Variants in ACKR2 observed in about 807,000 individuals in gnomAD.
The protein encoded by ACKR2 is atypical chemokine receptor 2.
For synonymous variants in ACKR2, 207 were observed against 192.2 expected, an observed-to-expected ratio of 1.08 and a Z score of -0.64; for missense variants, 457 against 477.3, an observed-to-expected ratio of 0.96 and a Z score of 0.40.
intron 2 of ACKR2, among the ~76,000 whole-genome samples, chr3:42,857,967 C>T (rs1222394730): frequency 1.3e-5 from 2 of 152,246 alleles, no homozygotes; most frequent in Admixed American, 6.5e-5. Context: ...CAGACTGCCT[C>T]TCTAGATTCC....
At chr3:42,811,891 T>C (rs1378273747) in intron 1 of ACKR2, among the ~76,000 whole-genome samples, 1 of 152,164 alleles carries the variant, frequency 6.6e-6, no homozygotes, top group Non-Finnish European at 1.5e-5. Context: ...GTACCTTCCC[T>C]TAAACTTATT....
chr3:42,859,242 A>C (rs1466221259), intron 2 of ACKR2, among the ~76,000 whole-genome samples: 1 of 152,210 alleles, frequency 6.6e-6, no homozygotes, highest in African/African-American at 2.4e-5. Context: ...ACCAATGTTG[A>C]AATGAAGGAA....
At position 42,863,116 on chromosome 3, in the gene ACKR2, A is replaced by G. The variant is rs924208585; in HGVS notation, c.-37-1350A>G. Among the ~76,000 whole-genome samples, 32 of 152,216 alleles carry G rather than the reference A, an allele frequency of 2.1e-4. 1 individual carries two copies. Among genetic ancestry groups the G allele is most frequent in the South Asian group, 8.3e-4 (4 of 4,828 alleles). The stretch of plus-strand genomic sequence containing the variant: ...TTTTTGCAATCTATCCATCTGACAA[A>G]GGGCTAATATCCAGAATCTACAAAG... On this transcript the variant is annotated intron_variant, in intron 2 of 2. Transcript: ENST00000422265.
chr3:42,844,067 T>C (rs1334030136), intron 2 of ACKR2: 1 of 152,162 alleles, frequency 6.6e-6, no homozygotes, highest in Non-Finnish European at 1.5e-5. Context: ...ATAAAGCAGG[T>C]AGATAAGCAT....
chr3:42,858,071 G>A (rs555861657), intron 2 of ACKR2, among the ~76,000 whole-genome samples: 189 of 152,360 alleles, frequency 1.2e-3, no homozygotes, highest in African/African-American at 4.3e-3. Context: ...AGAGCACCTG[G>A]GGGAAGGGGC....
At chr3:42,827,489 T>C (rs1372002989) in intron 2 of ACKR2, among the ~76,000 whole-genome samples, 2 of 152,224 alleles carry the variant, frequency 1.3e-5, no homozygotes, top group African/African-American at 2.4e-5. Context: ...ACCTTACTTC[T>C]AGTGGTAACT....
At chr3:42,812,045 C>T (rs968227612) in intron 1 of ACKR2, among the ~76,000 whole-genome samples, 2 of 152,278 alleles carry the variant, frequency 1.3e-5, no homozygotes, top group African/African-American at 2.4e-5. Flanking sequence ...GGGGCCTGTG[C>T]AGGTCCTCCA....
chr3:42,848,260 C>A (rs1223401610), intron 2 of ACKR2, among the ~76,000 whole-genome samples: 2 of 142,984 alleles, frequency 1.4e-5, no homozygotes, highest in Admixed American at 1.5e-4. Flanking sequence ...CCTCTGTTGC[C>A]CATGCTGGAG....
intron 2 of ACKR2, among the ~76,000 whole-genome samples, chr3:42,847,595 G>T (rs1485870777): frequency 6.6e-6 from 1 of 152,134 alleles, no homozygotes; most frequent in African/African-American, 2.4e-5. Context: ...GGAAGACAGA[G>T]AAATAAAAGA....
chr3:42,853,594 T>G (rs1701186759), intron 2 of ACKR2, among the ~76,000 whole-genome samples: 1 of 152,164 alleles, frequency 6.6e-6, no homozygotes, highest in Admixed American at 6.5e-5. Context: ...AGTGGTATTG[T>G]AACCTAGCAT....
chr3:42,817,250 G>A (rs2125602767), intron 1 of ACKR2, among the ~76,000 whole-genome samples: 2 of 152,246 alleles, frequency 1.3e-5, no homozygotes, highest in Middle Eastern at 3.4e-3. Flanking sequence ...AACCAGCAAT[G>A]CAACCTCAAG....
chr3:42,821,853 C>A (rs1037317491), intron 2 of ACKR2, among the ~76,000 whole-genome samples: 1 of 151,914 alleles, frequency 6.6e-6, no homozygotes, highest in African/African-American at 2.4e-5. Flanking sequence ...CCCACTACCA[C>A]GCCCGGCTAA....
intron 2 of ACKR2, among the ~76,000 whole-genome samples, chr3:42,820,895 T>C (rs1301510331): frequency 6.6e-6 from 1 of 151,772 alleles, no homozygotes; most frequent in Non-Finnish European, 1.5e-5. Context: ...TTTTTTTTTT[T>C]TTTCTTTGAG....
At chr3:42,848,216 T>A (rs1175197937) in intron 2 of ACKR2, among the ~76,000 whole-genome samples, 39 of 134,510 alleles carry the variant, frequency 2.9e-4, no homozygotes, top group African/African-American at 9.4e-4. Flanking sequence ...AAAAAAAATT[T>A]TTTTTTTTTT....
Position 42,864,720 on chromosome 3 carries a change from G to C in ACKR2, c.218G>C (p.Arg73Pro). The C allele has an allele frequency of 1.2e-6, 2 of 1,614,180 alleles. No homozygotes were observed. Among genetic ancestry groups the C allele is most frequent in the South Asian group, 1.1e-5 (1 of 91,076 alleles). ...GNLLLLMVLL[R>P]YVPRRRMVEI... ...CTCCTTCTTCTCATGGTCTTGCTCC[G>C]TTACGTGCCTCGCAGGCGGATGGTT... is the stretch of plus-strand genomic sequence containing the variant. The change falls in exon 3 of 3, where the codon CGT becomes CCT. Residue 73 changes from arginine (R) to proline (P), a missense_variant. Physicochemically the swap from Arg to Pro is moderately radical, Grantham distance 103 (BLOSUM62 -2). Coordinates refer to ENST00000422265, the MANE Select transcript of ACKR2 (RefSeq NM_001296.5).
Position 42,820,653 on chromosome 3 carries a change from A to T in ACKR2, c.-38+942A>T, listed in dbSNP as rs918061233. Among the ~76,000 whole-genome samples, 5 of 150,822 alleles carry T rather than the reference A, an allele frequency of 3.3e-5. No homozygotes were observed. The Admixed American group carries it at 3.3e-4, about 10-fold the overall frequency. On this transcript the variant is annotated intron_variant, in intron 2 of 2. Transcript: ENST00000422265. ...ACCCAACAGTCAAATGTTAGCCACC[A>T]ATGTCCTTGTGTTACCCTGCTTTCT...
intron 2 of ACKR2, among the ~76,000 whole-genome samples, chr3:42,830,694 T>TC (rs1451737757): frequency 6.6e-6 from 1 of 151,704 alleles, no homozygotes; most frequent in Non-Finnish European, 1.5e-5. Context: ...TCTTTTCTTT[T>TC]TTTTTTTATT....
intron 2 of ACKR2, chr3:42,856,422 A>C: frequency 1.4e-6 from 1 of 702,724 alleles, no homozygotes; most frequent in Non-Finnish European, 2.6e-6. Context: ...GGTATCATAG[A>C]TACTTTGGGT....
At chr3:42,820,883 G>GTTTTTTTTTTT (rs34265324) in intron 2 of ACKR2, among the ~76,000 whole-genome samples, 1 of 143,756 alleles carries the variant, frequency 7.0e-6, no homozygotes. Flanking sequence ...TTCATCAATA[G>GTTTTTTTTTTT]TTTTTTTTTT....
Sources: allele counts gnomAD v4.1 joint callset (sites outside exome capture counted in the v4.1 genomes callset), GRCh38; gene constraint gnomAD v4.1.1; transcripts MANE v1.5; gene names NCBI Gene and HGNC (gene_info 2026-07-23, HGNC 2026-07-21).